Variants in VAMP1 observed in about 807,000 individuals in gnomAD.
The protein encoded by VAMP1 is vesicle-associated membrane protein 1.
VAMP1 carries 16 observed loss-of-function variants against 19.1 expected under a neutral mutation model. The observed-to-expected ratio is 0.84, with a 90% CI of 0.57 to 1.27. VAMP1 has a LOEUF of 1.27. Among genes scored for constraint, VAMP1 ranks in the 50% most tolerant of loss-of-function variants. VAMP1 has a pLI of 0.00. For synonymous variants in VAMP1, 37 were observed against 50.2 expected (o/e 0.74, Z 1.11); for missense variants, 109 against 145.4 (o/e 0.75, Z 1.29).
Position 6,466,592 on chromosome 12 carries a change from A to G in VAMP1, c.3-241T>C. ...ACTTAAACAATTATGATTAGGCTAT[A>G]CAAAACTAGAATGGATTCTTGCTCC... On this transcript the variant is annotated intron_variant, in intron 1 of 4. Transcript: ENST00000396308. 3 of 357,030 alleles carry G rather than the reference A, an allele frequency of 8.4e-6. No individual in the cohort carries two copies. In the South Asian group the frequency reaches 1.1e-4, roughly 14 times the overall value. 22.1% of individuals were successfully genotyped at this position (357,030 alleles called of 1,614,324 possible). A position where few individuals can be genotyped will look rare whatever the true frequency, so the allele number is the denominator to read the frequency against.
Position 6,462,803 on chromosome 12 carries a change from G to A in VAMP1, c.*1667C>T, listed in dbSNP as rs1949913948. On this transcript the variant is annotated 3_prime_UTR_variant, in exon 5 of 5. Coordinates refer to ENST00000396308, the MANE Select transcript of VAMP1 (RefSeq NM_014231.5). ...GGAGACCTTCGAGGGGGGCCGTTGG[G>A]AGGGTACTGACTGCTTTCTTCCAGC... The A allele has an allele frequency of 6.3e-7, 1 of 1,595,778 alleles. No individual in the cohort carries two copies. The highest frequency in any genetic ancestry group is 1.1e-5 in the South Asian group (1 of 88,246).
chr12:6,466,157 T>A, intron 2 of VAMP1, 68 bp downstream of exon 2: 1 of 1,608,716 alleles, frequency 6.2e-7, no homozygotes, highest in Non-Finnish European at 8.5e-7. Context: ...GGAGAAAAGA[T>A]AAGAAGTTCC....
At position 6,463,862 on chromosome 12, in the gene VAMP1, A is replaced by G. The variant is rs568498243; in HGVS notation, c.*608T>C. On this transcript the variant is annotated 3_prime_UTR_variant, in exon 5 of 5. Transcript: ENST00000396308. This position sits in a 1 kb window ranked among gnomAD's most constrained non-coding sequence, Gnocchi z 4.0. ...CAAAGTAAAGTTGTAAGATCCCCAA[A>G]GACACGGAAAATCCTGGACGAACAG... 1.7e-5 allele frequency: 22 copies of G among 1,262,062 alleles called. No homozygotes were observed. The highest frequency in any genetic ancestry group is 2.2e-5 in the Non-Finnish European group (21 of 975,524). 78.2% of individuals were successfully genotyped at this position (1,262,062 alleles called of 1,614,324 possible). A position where few individuals can be genotyped will look rare whatever the true frequency, so the allele number is the denominator to read the frequency against.
chr12:6,464,619 C>T, intron 4 of VAMP1, 133 bp from the exon 5 acceptor site: 1 of 1,456,614 alleles, frequency 6.9e-7, no homozygotes, highest in South Asian at 1.5e-5. Flanking sequence ...TGGTCTCCCT[C>T]CAACCCAAGC....
Position 6,464,210 on chromosome 12 carries a change from T to C in VAMP1, c.*260A>G. The C allele has an allele frequency of 6.7e-7, 1 of 1,493,336 alleles. No homozygotes were observed. 92.5% of individuals were successfully genotyped at this position (1,493,336 alleles called of 1,614,324 possible). A position where few individuals can be genotyped will look rare whatever the true frequency, so the allele number is the denominator to read the frequency against. ...CAACTCTTTGGGGCTTTGGGGGAAC[T>C]TGAGAGTACAGAAAAAGCAGGCAGG... On this transcript the variant is annotated 3_prime_UTR_variant, in exon 5 of 5. Coordinates refer to ENST00000396308, the MANE Select transcript of VAMP1 (RefSeq NM_014231.5).
intron 1 of VAMP1, 114 bp downstream of exon 1, chr12:6,470,416 G>A: frequency 9.3e-6 from 14 of 1,503,860 alleles, no homozygotes; most frequent in Non-Finnish European, 1.3e-5. Context: ...CGCGGTGGTA[G>A]TTCCCCGCGT....
rs779194127 is a variant in VAMP1 at position 6,465,937 on chromosome 12, GCT to G, written c.191_192del (p.Glu64AlafsTer3). On this transcript the variant is annotated frameshift_variant, in exon 3 of 5. Transcript: ENST00000396308. LOFTEE classifies it high-confidence loss of function. ...KVLERDQKLS[E>X]LDDRADALQA... ...TGCAAGGCATCAGCTCGGTCATCCA[GCT>G]CTGACAGCTTCTGGTCCCTCTCCAG... The G allele has an allele frequency of 6.2e-7, 1 of 1,614,264 alleles. No homozygotes were observed. The highest frequency in any genetic ancestry group is 8.5e-7 in the Non-Finnish European group (1 of 1,180,048).
chr12:6,465,345 G>T, intron 3 of VAMP1: 1 of 255,296 alleles, frequency 3.9e-6, no homozygotes, highest in South Asian at 2.6e-5. Flanking sequence ...TGATTTAAAA[G>T]AAAAAGAAAA....
chr12:6,466,656 GAAGTAA>G (rs1326488867), intron 1 of VAMP1: 5 of 243,558 alleles, frequency 2.1e-5, no homozygotes, highest in Admixed American at 5.3e-5. Flanking sequence ...ATAGAGGCAA[GAAGTAA>G]AAGATGAAAG....
chr12:6,468,834 G>T (rs775224086), intron 1 of VAMP1, among the ~76,000 whole-genome samples: 1 of 152,098 alleles, frequency 6.6e-6, no homozygotes, highest in East Asian at 1.9e-4. Flanking sequence ...CCACAGGCAG[G>T]GGGGAGATCT....
chr12:6,465,465 TAGTGTG>T (rs139336556), intron 3 of VAMP1: 18,900 of 122,394 alleles, frequency 0.15, 2,258 homozygotes, highest in East Asian at 0.37. Context: ...TGTGTATATA[TAGTGTG>T]TGTGTGTGTG....
intron 1 of VAMP1, among the ~76,000 whole-genome samples, chr12:6,467,693 T>C (rs2532491): frequency 0.68 from 103,260 of 152,150 alleles, 35,402 homozygotes; most frequent in South Asian, 0.78. Context: ...GAAGCCTTCA[T>C]AGCAGCCCCT....
intron 1 of VAMP1, among the ~76,000 whole-genome samples, chr12:6,467,939 CGG>C (rs200442132): frequency 0.029 from 4,482 of 152,326 alleles, 88 homozygotes; most frequent in Non-Finnish European, 0.044. Context: ...AACTGAGGTT[CGG>C]GAACCTCCGT....
intron 1 of VAMP1, among the ~76,000 whole-genome samples, chr12:6,469,773 G>C (rs1278491842): frequency 3.3e-5 from 5 of 152,222 alleles, no homozygotes; most frequent in Admixed American, 2.6e-4. Context: ...TCAAGATCAT[G>C]CGAAGGGGGT....
In VAMP1 at chr12:6,465,832, G is replaced by C. The variant is rs1370218970; in HGVS notation, c.288+10C>G. The C allele has an allele frequency of 6.2e-7, 1 of 1,613,684 alleles. No homozygotes were observed. On this transcript the variant is annotated intron_variant, in intron 3 of 4. Coordinates refer to ENST00000396308, the MANE Select transcript of VAMP1 (RefSeq NM_014231.5). ...CAGGAAAAGATGGAGGAGGGGACAA[G>C]AAAATTCACCTTGCAGTTTTTCCAC...
intron 1 of VAMP1, among the ~76,000 whole-genome samples, chr12:6,469,841 A>T (rs531153821): frequency 6.6e-6 from 1 of 152,330 alleles, no homozygotes; most frequent in Non-Finnish European, 1.5e-5. Context: ...GGGAAAGCTC[A>T]GCTCTCCCTA....
chr12:6,470,651 C>A lies in VAMP1; in HGVS notation c.-120G>T. ...AAGCTCCGCCTCGCGCCGACTACCCCGCGGTCTAGCTGCGCTGGAACTTAC... is the reference window on the plus strand; with the variant it reads ...AAGCTCCGCCTCGCGCCGACTACCCAGCGGTCTAGCTGCGCTGGAACTTAC... On this transcript the variant is annotated 5_prime_UTR_variant, in exon 1 of 5. Transcript: ENST00000396308. 1 of 1,328,680 alleles carries A rather than the reference C, an allele frequency of 7.5e-7. No homozygotes were observed. The highest frequency in any genetic ancestry group is 1.1e-6 in the Non-Finnish European group (1 of 940,556). 82.3% of individuals were successfully genotyped at this position (1,328,680 alleles called of 1,614,324 possible). A position where few individuals can be genotyped will look rare whatever the true frequency, so the allele number is the denominator to read the frequency against.
rs1949907376 is a variant in VAMP1, at chr12:6,462,666, G to A, written c.*1804C>T. The A allele has an allele frequency of 2.7e-6, 2 of 748,970 alleles. No homozygotes were observed. The highest frequency in any genetic ancestry group is 4.3e-6 in the Non-Finnish European group (2 of 461,958). 46.4% of individuals were successfully genotyped at this position (748,970 alleles called of 1,614,324 possible). The stretch of plus-strand genomic sequence containing the variant: ...CAGGAATGATTCCTGTGATAGGGCT[G>A]GGAGAGCCAAGAGGACGGATTCGCT... On this transcript the variant is annotated 3_prime_UTR_variant, in exon 5 of 5. Coordinates refer to ENST00000396308, the MANE Select transcript of VAMP1 (RefSeq NM_014231.5).
intron 3 of VAMP1, 77 bp downstream of exon 3, chr12:6,465,765 T>C (rs1950007433): frequency 1.3e-6 from 2 of 1,559,864 alleles, no homozygotes; most frequent in Non-Finnish European, 1.7e-6. Flanking sequence ...AGGGAAGAAA[T>C]GTAGAAGCTG....
Sources: gnomAD v4.1 joint callset for allele counts (sites outside exome capture counted in the v4.1 genomes callset) on GRCh38, gnomAD v4.1.1 for gene constraint, Gnocchi (gnomAD v3.1) non-coding constraint, MANE v1.5 for transcripts, NCBI Gene and HGNC (gene_info 2026-07-23, HGNC 2026-07-21) for gene names.